Variants in LRRC37A3 observed in about 807,000 individuals in gnomAD.
LRRC37A3 encodes leucine-rich repeat-containing protein 37A3.
Under a neutral mutation model 106.2 loss-of-function variants are expected in LRRC37A3, and 25 were observed. The observed-to-expected ratio is 0.24, with a 90% CI of 0.17 to 0.33. The LOEUF (loss-of-function observed/expected upper bound fraction) is 0.33, where lower values mean the gene tolerates loss of function less well. LRRC37A3 is among the 10% of genes least tolerant of loss of function. The pLI, the probability that LRRC37A3 is intolerant of heterozygous loss-of-function variation, is 1.00. For missense variants in LRRC37A3, 712 were observed against 1,644.9 expected (o/e 0.43, Z 9.81); for synonymous variants, 305 against 635.8 (o/e 0.48, Z 7.83).
At chr17:64,855,700 G>C in intron 14 of LRRC37A3, 140 bp downstream of exon 14, 2 of 1,338,854 alleles carry the variant, frequency 1.5e-6, no homozygotes, top group Non-Finnish European at 2.1e-6. Flanking sequence ...TACTCGGGAG[G>C]CTGAGGCAGG....
At chr17:64,858,052 G>C (rs1471398689) in intron 13 of LRRC37A3, among the ~76,000 whole-genome samples, 1 of 152,184 alleles carries the variant, frequency 6.6e-6, no homozygotes, top group African/African-American at 2.4e-5. Context: ...CTGTAAACAG[G>C]ACTTGCCCCA....
intron 13 of LRRC37A3, among the ~76,000 whole-genome samples, chr17:64,856,634 T>A (rs1008947825): frequency 6.7e-6 from 1 of 150,306 alleles, no homozygotes; most frequent in African/African-American, 2.5e-5. Context: ...GACCTGCTGA[T>A]GAAGAGGGCT....
intron 2 of LRRC37A3, among the ~76,000 whole-genome samples, chr17:64,910,428 A>C (rs542212648): frequency 3.3e-5 from 5 of 152,414 alleles, no homozygotes; most frequent in African/African-American, 9.6e-5. Flanking sequence ...TAGCAACTAA[A>C]ACAATTATTT....
chr17:64,858,980 G>T (rs536723957), intron 12 of LRRC37A3, 97 bp from the exon 13 acceptor site: 2 of 822,992 alleles, frequency 2.4e-6, no homozygotes, highest in East Asian at 2.6e-5. Context: ...TTGAAAGAGG[G>T]TCTCACTCTG....
At chr17:64,918,387 TTTTC>T (rs1974752531) in intron 2 of LRRC37A3, among the ~76,000 whole-genome samples, 1 of 151,396 alleles carries the variant, frequency 6.6e-6, no homozygotes, top group Non-Finnish European at 1.5e-5. Flanking sequence ...TTTTTTTCTT[TTTTC>T]TTTATTACCC....
chr17:64,869,981 C>G (rs1443171156), intron 8 of LRRC37A3, among the ~76,000 whole-genome samples: 1 of 151,228 alleles, frequency 6.6e-6, no homozygotes, highest in Non-Finnish European at 1.5e-5. Flanking sequence ...CATACTCCCA[C>G]TTGTCCTCTT....
intron 10 of LRRC37A3, among the ~76,000 whole-genome samples, chr17:64,866,796 GATTTTTATATATATA>G (rs1973127237): frequency 7.9e-6 from 1 of 127,012 alleles, no homozygotes; most frequent in East Asian, 2.2e-4. Context: ...ACACCTGGCT[GATTTTTATATATATA>G]TATATATATA....
chr17:64,918,896 G>A, intron 1 of LRRC37A3, 26 bp from the exon 2 acceptor site: 1 of 569,656 alleles, frequency 1.8e-6, no homozygotes, highest in Non-Finnish European at 2.6e-6. Context: ...AATTAGCTGG[G>A]TGTGGCAGCG....
At chr17:64,856,300 TCAA>T (rs200580873) in intron 13 of LRRC37A3, among the ~76,000 whole-genome samples, 5,635 of 151,388 alleles carry the variant, frequency 0.037, 260 homozygotes, top group African/African-American at 0.13. Flanking sequence ...CACTGTAGCC[TCAA>T]CCTCCTGGGC....
At chr17:64,881,063 T>C (rs2143507455) in intron 8 of LRRC37A3, 1 of 700,086 alleles carries the variant, frequency 1.4e-6, no homozygotes, top group East Asian at 2.7e-5. Context: ...TCACCCAATA[T>C]GCGCGATGTA....
At chr17:64,910,721 T>C (rs1324130849) in intron 2 of LRRC37A3, among the ~76,000 whole-genome samples, 1 of 134,866 alleles carries the variant, frequency 7.4e-6, no homozygotes, top group African/African-American at 2.8e-5. Context: ...CTTGGCTCCC[T>C]GCAACCTCCA....
intron 8 of LRRC37A3, among the ~76,000 whole-genome samples, chr17:64,879,793 A>G (rs1376199600): frequency 1.3e-5 from 2 of 152,054 alleles, no homozygotes; most frequent in Non-Finnish European, 2.9e-5. Flanking sequence ...GGCTGGGCAC[A>G]GCATCTCAAG....
intron 4 of LRRC37A3, among the ~76,000 whole-genome samples, chr17:64,893,576 T>C (rs1286018474): frequency 1.4e-5 from 2 of 139,200 alleles, no homozygotes; most frequent in African/African-American, 6.1e-5. Flanking sequence ...GCACCAATGG[T>C]CTGCATTATC....
chr17:64,864,047 T>C (rs1480012718), intron 10 of LRRC37A3, among the ~76,000 whole-genome samples: 3 of 150,790 alleles, frequency 2.0e-5, no homozygotes, highest in African/African-American at 2.5e-5. Context: ...CAGGCTGGTG[T>C]AGAACTCCTG....
intron 9 of LRRC37A3, among the ~76,000 whole-genome samples, chr17:64,868,879 C>G (rs1178305934): frequency 6.6e-6 from 1 of 152,158 alleles, no homozygotes; most frequent in African/African-American, 2.4e-5. Flanking sequence ...TGTTGCAAAT[C>G]TATATGGGTT....
chr17:64,899,064 C>A (rs1474587392), intron 2 of LRRC37A3: 1 of 135,446 alleles, frequency 7.4e-6, no homozygotes, highest in Non-Finnish European at 1.5e-5. Context: ...GCAACTGTCA[C>A]AGAATGGCAG....
intron 2 of LRRC37A3, among the ~76,000 whole-genome samples, chr17:64,909,333 A>T (rs1476191864): frequency 2.0e-5 from 3 of 152,198 alleles, no homozygotes; most frequent in Non-Finnish European, 4.4e-5. Context: ...CATTTCAGAG[A>T]AATTCAGAAC....
Position 64,854,515 on chromosome 17 carries a change from G to C in LRRC37A3, c.*84C>G. 3 of 1,595,430 alleles carry C rather than the reference G, an allele frequency of 1.9e-6. No homozygotes were observed. Among genetic ancestry groups the C allele is most frequent in the Non-Finnish European group, 2.6e-6 (3 of 1,163,742 alleles). On this transcript the variant is annotated 3_prime_UTR_variant, in exon 15 of 15. Coordinates refer to ENST00000584306, the MANE Select transcript of LRRC37A3 (RefSeq NM_199340.5). ...CGCTGCCTCTGTGGATGTGTGGGCCGCTGGCTTCAGTCCTGCTTTTTTGAT... is the reference window on the plus strand; with the variant it reads ...CGCTGCCTCTGTGGATGTGTGGGCCCCTGGCTTCAGTCCTGCTTTTTTGAT...
intron 2 of LRRC37A3, among the ~76,000 whole-genome samples, chr17:64,914,948 T>C (rs1432100704): frequency 2.0e-5 from 3 of 151,126 alleles, no homozygotes; most frequent in African/African-American, 4.9e-5. Flanking sequence ...TTCATGGAGA[T>C]AGGCAGTAGA....
Sources: gnomAD v4.1 joint callset for allele counts (sites outside exome capture counted in the v4.1 genomes callset) on GRCh38, gnomAD v4.1.1 for gene constraint, MANE v1.5 for transcripts, NCBI Gene and HGNC (gene_info 2026-07-23, HGNC 2026-07-21) for gene names.